Variants in SCARF1 observed in about 807,000 individuals in gnomAD.
SCARF1 encodes the protein acetyl LDL receptor.
In SCARF1, 49 loss-of-function variants were observed where a neutral mutation model predicts 76.3. The ratio of observed to expected loss-of-function variants is 0.64; its 90% CI spans 0.51 to 0.81. The LOEUF is 0.81. Ranked by LOEUF, SCARF1 falls within the 40% of genes least tolerant of loss-of-function variation. The pLI is 0.00. For missense variants in SCARF1, 1,098 were observed against 1,143.9 expected (o/e 0.96, Z 0.58); for synonymous variants, 495 against 474.6 (o/e 1.04, Z -0.56).
intron 4 of SCARF1, among the ~76,000 whole-genome samples, chr17:1,643,151 G>A (rs1403797935): frequency 9.4e-6 from 1 of 106,042 alleles, no homozygotes; most frequent in Non-Finnish European, 1.9e-5. Flanking sequence ...TCGCTCACCT[G>A]TGTCCGCCTC....
rs200511987 is a variant in SCARF1, at chr17:1,637,084, A to G, written c.1365-22T>C. ...TGGCCTGAGGGAGGAGGGTAGGGAC[A>G]CTGGTCAGTACATGAGACCCACGGT... On this transcript the variant is annotated intron_variant, in intron 8 of 10. Coordinates refer to ENST00000263071, the MANE Select transcript of SCARF1 (RefSeq NM_003693.4). 1.6e-5 allele frequency: 25 copies of G among 1,612,906 alleles called. No individual in the cohort carries two copies. In the East Asian group the frequency reaches 3.8e-4, roughly 24 times the overall value.
At chr17:1,641,643 C>T (rs1356093669) in intron 4 of SCARF1, among the ~76,000 whole-genome samples, 1 of 152,084 alleles carries the variant, frequency 6.6e-6, no homozygotes, top group Non-Finnish European at 1.5e-5. Context: ...TGGGTCAGAC[C>T]CATTAGTAGG....
In SCARF1 at chr17:1,634,395, A is replaced by C. The variant is rs916789689; in HGVS notation, c.*363T>G. 8 of 390,214 alleles carry C rather than the reference A, an allele frequency of 2.1e-5. No homozygotes were observed. Among genetic ancestry groups the C allele is most frequent in the African/African-American group, 1.7e-4 (8 of 48,470 alleles). 24.2% of individuals were successfully genotyped at this position (390,214 alleles called of 1,614,324 possible). A position where few individuals can be genotyped will look rare whatever the true frequency, so the allele number is the denominator to read the frequency against. On this transcript the variant is annotated 3_prime_UTR_variant, in exon 11 of 11. Coordinates refer to ENST00000263071, the MANE Select transcript of SCARF1 (RefSeq NM_003693.4). ...CAGAGGGAGATTCTGTCTCAAAAAA[A>C]AAAAAAAAAATTTGTTTAGCCAATC...
rs1246866519 is a variant in SCARF1 at position 1,634,314 on chromosome 17, G to A, written c.*444C>T. On this transcript the variant is annotated 3_prime_UTR_variant, in exon 11 of 11. Transcript: ENST00000263071. ...TGAGGCAGGAGAAGGGCGTGAACCC[G>A]GGAGGCAGAGCTTGCAGTGAGCCGA... 4 of 265,628 alleles carry A rather than the reference G, an allele frequency of 1.5e-5. No individual in the cohort carries two copies. Among genetic ancestry groups the A allele is most frequent in the East Asian group, 6.7e-5 (1 of 14,866 alleles). The allele number at this position is 265,628 out of a possible 1,614,324, so 16.5% of individuals were successfully genotyped here. A position where few individuals can be genotyped will look rare whatever the true frequency, so the allele number is the denominator to read the frequency against.
Position 1,639,911 on chromosome 17 carries a change from C to T in SCARF1, c.1139+1G>A. 6.2e-7 allele frequency: 1 copy of T among 1,613,190 alleles called. No individual in the cohort carries two copies. The highest frequency in any genetic ancestry group is 8.5e-7 in the Non-Finnish European group (1 of 1,179,534). Reference sequence around the variant, plus strand: ...CCCGCCCCCGGGATCCCCATCCTTACCTGGGCCCCCAGTAGCCGGCACTGC... The same window carrying T: ...CCCGCCCCCGGGATCCCCATCCTTATCTGGGCCCCCAGTAGCCGGCACTGC... On this transcript the variant is annotated splice_donor_variant, in intron 6 of 10. Coordinates refer to ENST00000263071, the MANE Select transcript of SCARF1 (RefSeq NM_003693.4). LOFTEE classifies it high-confidence loss of function.
chr17:1,635,441 G>C lies in SCARF1; in HGVS notation c.1810C>G (p.Arg604Gly), dbSNP rs753620477. 15 of 1,614,036 alleles carry C rather than the reference G, an allele frequency of 9.3e-6. No homozygotes were observed. The highest frequency in any genetic ancestry group is 6.8e-6 in the Non-Finnish European group (8 of 1,179,964). Residue 604 changes from arginine to glycine, a missense_variant, in exon 11 of 11, where the codon CGA becomes GGA. Transcript: ENST00000263071. ...GGGCTGGAGAGCTCCCCTGAGCTTC[G>C]GCGACTCTGTGGTGCAAACTTGGTA... ...EGTKFAPQSRRSSGELSSPLR... is the reference protein window; with the variant it reads ...EGTKFAPQSRGSSGELSSPLR...
At position 1,635,156 on chromosome 17, in the gene SCARF1, G is replaced by A. The variant is rs1909428175; in HGVS notation, c.2095C>T (p.Arg699Cys). Reference sequence around the variant, plus strand: ...GAGCGGACAGGGCCTTCGGATCCGCGGGGCTTCCCTGCCAGCATGTAGATC... The same window carrying A: ...GAGCGGACAGGGCCTTCGGATCCGCAGGGCTTCCCTGCCAGCATGTAGATC... Reference protein sequence around the residue: ...TTIYMLAGKPRGSEGPVRSVF... With the variant: ...TTIYMLAGKPCGSEGPVRSVF... The change falls in exon 11 of 11, where the codon CGC becomes TGC. Residue 699 changes from arginine to cysteine, a missense_variant. Coordinates refer to ENST00000263071, the MANE Select transcript of SCARF1 (RefSeq NM_003693.4). The A allele has an allele frequency of 3.1e-6, 5 of 1,613,386 alleles. No homozygotes were observed. Among genetic ancestry groups the A allele is most frequent in the Admixed American group, 1.7e-5 (1 of 60,012 alleles).
At chr17:1,641,349 CT>C (rs769941427) in intron 4 of SCARF1, among the ~76,000 whole-genome samples, 188 of 152,350 alleles carry the variant, frequency 1.2e-3, no homozygotes, top group Non-Finnish European at 2.0e-3. Context: ...TGATCTGTCA[CT>C]GTCTCCCATC....
In SCARF1 at chr17:1,639,901, C is replaced by A; in HGVS notation, c.1139+11G>T. 1 of 1,612,844 alleles carries A rather than the reference C, an allele frequency of 6.2e-7. No individual in the cohort carries two copies. Among genetic ancestry groups the A allele is most frequent in the Non-Finnish European group, 8.5e-7 (1 of 1,179,342 alleles). On this transcript the variant is annotated intron_variant, in intron 6 of 10. Transcript: ENST00000263071. Reference sequence around the variant, plus strand: ...CTGGCACTCTCCCGCCCCCGGGATCCCCATCCTTACCTGGGCCCCCAGTAG... The same window carrying A: ...CTGGCACTCTCCCGCCCCCGGGATCACCATCCTTACCTGGGCCCCCAGTAG...
rs374034845 is a variant in SCARF1 at position 1,634,818 on chromosome 17, T to C, written c.2433A>G (p.Glu811=). 3 of 1,613,104 alleles carry C rather than the reference T, an allele frequency of 1.9e-6. No homozygotes were observed. Among genetic ancestry groups the C allele is most frequent in the African/African-American group, 1.3e-5 (1 of 74,850 alleles). Residue 811 remains glutamate, a synonymous_variant, in exon 11 of 11, where the codon GAA becomes GAG. Coordinates refer to ENST00000263071, the MANE Select transcript of SCARF1 (RefSeq NM_003693.4). ...TCTCATACTCAGGTTCCTCCTGCCTTTCCTCTTCAGCCTGCTTCTGGGGAT... is the reference window on the plus strand; with the variant it reads ...TCTCATACTCAGGTTCCTCCTGCCTCTCCTCTTCAGCCTGCTTCTGGGGAT... ...EQDPQKQAEE[E]RQEEPEYENV...
At position 1,635,318 on chromosome 17, in the gene SCARF1, C is replaced by G; in HGVS notation, c.1933G>C (p.Glu645Gln). ...STGPEEAEAP[E>Q]SFPAAASPGD... ...GGACTGGCAGCCGCCGGAAAGGACTCGGGGGCTTCTGCTTCCTCTGGGCCT... is the reference window on the plus strand; with the variant it reads ...GGACTGGCAGCCGCCGGAAAGGACTGGGGGGCTTCTGCTTCCTCTGGGCCT... Residue 645 changes from glutamate (E) to glutamine (Q), a missense_variant, in exon 11 of 11, where the codon GAG (glutamate) becomes CAG (glutamine). Physicochemically the swap from Glu to Gln is conservative, Grantham distance 29. Coordinates refer to ENST00000263071, the MANE Select transcript of SCARF1 (RefSeq NM_003693.4). 6.2e-7 allele frequency: 1 copy of G among 1,612,486 alleles called. No homozygotes were observed. The highest frequency in any genetic ancestry group is 1.1e-5 in the South Asian group (1 of 91,050).
At position 1,634,919 on chromosome 17, in the gene SCARF1, G is replaced by C; in HGVS notation, c.2332C>G (p.Arg778Gly). Residue 778 changes from arginine to glycine, a missense_variant, in exon 11 of 11, where the codon CGG becomes GGG. Arg to Gly is a moderately radical substitution (Grantham distance 125). Coordinates refer to ENST00000263071, the MANE Select transcript of SCARF1 (RefSeq NM_003693.4). Reference protein sequence around the residue: ...PMAVRPEEAVRGLGAGTESSR... With the variant: ...PMAVRPEEAVGGLGAGTESSR... ...CTCTCGGTGCCAGCCCCCAGCCCCC[G>C]GACCGCTTCCTCTGGTCTGACTGCC... 1 of 1,613,362 alleles carries C rather than the reference G, an allele frequency of 6.2e-7. No homozygotes were observed. The highest frequency in any genetic ancestry group is 8.5e-7 in the Non-Finnish European group (1 of 1,179,828).
rs1260668537 is a variant in SCARF1, at chr17:1,643,446, G to T, written c.787C>A (p.His263Asn). Reference sequence around the variant, plus strand: ...GTCCCCGCCCCGCCCGCTCACCTGTGTGCGCACTGCACCCCGTGGCTGCCT... The same window carrying T: ...GTCCCCGCCCCGCCCGCTCACCTGTTTGCGCACTGCACCCCGTGGCTGCCT... ...PAGSHGVQCA[H>N]SCGRCKHNEP... is the part of the protein sequence containing the mutation. Residue 263 changes from histidine to asparagine, a missense_variant, in exon 4 of 11, where the codon CAC becomes AAC. By Grantham distance (68) the His-to-Asn change is moderately conservative. Coordinates refer to ENST00000263071, the MANE Select transcript of SCARF1 (RefSeq NM_003693.4). 3 of 1,270,088 alleles carry T rather than the reference G, an allele frequency of 2.4e-6. No homozygotes were observed. Among genetic ancestry groups the T allele is most frequent in the East Asian group, 6.5e-5 (2 of 30,742 alleles). 78.7% of individuals were successfully genotyped at this position (1,270,088 alleles called of 1,614,324 possible).
In SCARF1 at chr17:1,644,043, A is replaced by C; in HGVS notation, c.266-76T>G. Reference sequence around the variant, plus strand: ...CCCTTACCCTGCGTCCCCTTCCTCAAGGAAAAGGGGCGCTGGGCCCATCCT... The same window carrying C: ...CCCTTACCCTGCGTCCCCTTCCTCACGGAAAAGGGGCGCTGGGCCCATCCT... On this transcript the variant is annotated intron_variant, in intron 3 of 10. Transcript: ENST00000263071. The surrounding 1 kb of genome is among the most constrained non-coding windows in gnomAD (Gnocchi z 4.8). The C allele has an allele frequency of 8.7e-7, 1 of 1,151,254 alleles. No homozygotes were observed. 71.3% of individuals were successfully genotyped at this position (1,151,254 alleles called of 1,614,324 possible).
intron 10 of SCARF1, 46 bp from the exon 11 acceptor site, chr17:1,635,663 C>A: frequency 6.4e-7 from 1 of 1,556,034 alleles, no homozygotes; most frequent in Non-Finnish European, 8.6e-7. Flanking sequence ...AACTGGCCAC[C>A]CCAATGCATC....
rs1909924191 is a variant in SCARF1, at chr17:1,640,226, C to T, written c.1011-186G>A. The T allele has an allele frequency of 1.3e-6, 1 of 790,922 alleles. No individual in the cohort carries two copies. The highest frequency in any genetic ancestry group is 2.7e-5 in the East Asian group (1 of 37,246). The allele number at this position is 790,922 out of a possible 1,614,324, so 49.0% of individuals were successfully genotyped here. A position where few individuals can be genotyped will look rare whatever the true frequency, so the allele number is the denominator to read the frequency against. On this transcript the variant is annotated intron_variant, in intron 5 of 10. Coordinates refer to ENST00000263071, the MANE Select transcript of SCARF1 (RefSeq NM_003693.4). This position sits in a 1 kb window ranked among gnomAD's most constrained non-coding sequence, Gnocchi z 4.7. Reference sequence around the variant, plus strand: ...ATCCAGCAGGTGACAGACTACAAGTCCCCAGAGGGCGAGGAGGGCAGGAAG... The same window carrying T: ...ATCCAGCAGGTGACAGACTACAAGTTCCCAGAGGGCGAGGAGGGCAGGAAG...
chr17:1,644,206 A>C lies in SCARF1; in HGVS notation c.266-239T>G. 5.2e-6 allele frequency: 2 copies of C among 387,838 alleles called. No individual in the cohort carries two copies. Among genetic ancestry groups the C allele is most frequent in the Non-Finnish European group, 4.5e-6 (1 of 219,812 alleles). 24.0% of individuals were successfully genotyped at this position (387,838 alleles called of 1,614,324 possible). A position where few individuals can be genotyped will look rare whatever the true frequency, so the allele number is the denominator to read the frequency against. On this transcript the variant is annotated intron_variant, in intron 3 of 10. Transcript: ENST00000263071. This position sits in a 1 kb window ranked among gnomAD's most constrained non-coding sequence, Gnocchi z 4.8. ...CCTGCCACTTCACATTCCAGAACAC[A>C]CTCAGAGATCCTGAGTGGGCAGGGG...
At chr17:1,636,263 G>A (rs972648872) in intron 10 of SCARF1, among the ~76,000 whole-genome samples, 3 of 152,176 alleles carry the variant, frequency 2.0e-5, no homozygotes, top group African/African-American at 7.2e-5. Context: ...TCTAAGCCTG[G>A]TGAGGATAGG....
At chr17:1,635,658 G>T (rs1157845601) in intron 10 of SCARF1, 41 bp from the exon 11 acceptor site, 1 of 1,569,204 alleles carries the variant, frequency 6.4e-7, no homozygotes, top group Non-Finnish European at 8.6e-7. Context: ...AGCTGAACTG[G>T]CCACCCCAAT....
Sources: allele counts gnomAD v4.1 joint callset (sites outside exome capture counted in the v4.1 genomes callset), GRCh38; gene constraint gnomAD v4.1.1; non-coding constraint Gnocchi (gnomAD v3.1); transcripts MANE v1.5; gene names NCBI Gene and HGNC (gene_info 2026-07-23, HGNC 2026-07-21).